Variants in KLHL2 observed in about 807,000 individuals in gnomAD.
The protein encoded by KLHL2 is kelch like family member 2.
Under a neutral mutation model 75.8 loss-of-function variants are expected in KLHL2, and 15 were observed. The observed-to-expected ratio is 0.20, with a 90% CI of 0.13 to 0.30. KLHL2 has a LOEUF of 0.30. KLHL2 is among the 10% of genes least tolerant of loss of function. The pLI is 1.00. For synonymous variants in KLHL2, 214 were observed against 251.9 expected (o/e 0.85, Z 1.42); for missense variants, 381 against 741.0 (o/e 0.51, Z 5.64).
chr4:165,224,821 C>T (rs933548020), intron 2 of KLHL2, among the ~76,000 whole-genome samples: 14 of 152,250 alleles, frequency 9.2e-5, no homozygotes, highest in Middle Eastern at 3.4e-3. Context: ...TATCCATGAC[C>T]TCAAGCATTT....
At chr4:165,211,533 G>C in intron 1 of KLHL2, among the ~76,000 whole-genome samples, 1 of 152,242 alleles carries the variant, frequency 6.6e-6, no homozygotes, top group South Asian at 2.1e-4. Context: ...GTATTCATTT[G>C]TTTGTCTGTT....
Position 165,305,725 on chromosome 4 carries a change from G to A in KLHL2, c.1039G>A (p.Gly347Ser). 1 of 1,602,766 alleles carries A rather than the reference G, an allele frequency of 6.2e-7. No homozygotes were observed. Among genetic ancestry groups the A allele is most frequent in the Non-Finnish European group, 8.5e-7 (1 of 1,169,688 alleles). Residue 347 changes from glycine to serine, a missense_variant and splice_region_variant, in exon 9 of 15, where the codon GGC becomes AGC. By Grantham distance (56) the Gly-to-Ser change is moderately conservative. Coordinates refer to ENST00000226725, the MANE Select transcript of KLHL2 (RefSeq NM_007246.4). The part of the protein sequence containing the change: ...AELPSRRCRA[G>S]MVYMAGLVFA... ...GTTGCCTTCCAGGAGGTGCAGGGCAGGTAAGCATGATGCATCATGGTCAAT... is the reference window on the plus strand; with the variant it reads ...GTTGCCTTCCAGGAGGTGCAGGGCAAGTAAGCATGATGCATCATGGTCAAT...
chr4:165,294,753 G>T (rs539245270), intron 6 of KLHL2, among the ~76,000 whole-genome samples: 50 of 152,322 alleles, frequency 3.3e-4, no homozygotes, highest in African/African-American at 1.2e-3. Context: ...TCCACAGCAA[G>T]AGCTTGCACA....
chr4:165,245,668 A>G (rs1740203722), intron 4 of KLHL2, among the ~76,000 whole-genome samples: 1 of 152,108 alleles, frequency 6.6e-6, no homozygotes. Flanking sequence ...AAACACTGAT[A>G]TGGTGCCCAA....
chr4:165,294,651 A>G (rs1744775045), intron 6 of KLHL2, among the ~76,000 whole-genome samples, 183 bp downstream of exon 6: 1 of 152,148 alleles, frequency 6.6e-6, no homozygotes, highest in Non-Finnish European at 1.5e-5. Context: ...AAAGAAACTC[A>G]GGACTTGTTG....
At chr4:165,295,094 G>A (rs1431212139) in intron 6 of KLHL2, among the ~76,000 whole-genome samples, 3 of 152,032 alleles carry the variant, frequency 2.0e-5, no homozygotes, top group Non-Finnish European at 4.4e-5. Flanking sequence ...GTCTCTCCAC[G>A]TTTTGAATTA....
At chr4:165,226,450 A>G (rs561856159) in intron 2 of KLHL2, among the ~76,000 whole-genome samples, 12 of 152,228 alleles carry the variant, frequency 7.9e-5, no homozygotes, top group African/African-American at 2.9e-4. Flanking sequence ...GCCCTTTCTG[A>G]TCCCCAGTCT....
At chr4:165,291,353 A>AT (rs982309230) in intron 5 of KLHL2, among the ~76,000 whole-genome samples, 8 of 150,866 alleles carry the variant, frequency 5.3e-5, no homozygotes, top group South Asian at 2.1e-4. Flanking sequence ...CAACTTAACC[A>AT]TTTTTTTTTC....
At position 165,207,712 on chromosome 4, in the gene KLHL2, C is replaced by T. The variant is rs1309927940; in HGVS notation, c.-165C>T. 2.8e-5 allele frequency: 8 copies of T among 289,724 alleles called. No individual in the cohort carries two copies. The highest frequency in any genetic ancestry group is 4.5e-5 in the Non-Finnish European group (8 of 176,744). 17.9% of individuals were successfully genotyped at this position (289,724 alleles called of 1,614,324 possible). ...CGCCCGGCCGAGCGGGCCATGGCCG[C>T]GGGGGCCGCCGCCGCAGGTGGTGGC... On this transcript the variant is annotated 5_prime_UTR_variant, in exon 1 of 15. Transcript: ENST00000226725. This position sits in a 1 kb window ranked among gnomAD's most constrained non-coding sequence, Gnocchi z 4.2.
intron 5 of KLHL2, among the ~76,000 whole-genome samples, chr4:165,283,906 C>A (rs1025167931): frequency 3.3e-5 from 5 of 152,240 alleles, no homozygotes; most frequent in Non-Finnish European, 7.3e-5. Context: ...TGTGTACTCA[C>A]AGGCTCAACA....
intron 8 of KLHL2, among the ~76,000 whole-genome samples, chr4:165,300,224 G>A (rs1023886469): frequency 2.0e-5 from 3 of 151,856 alleles, no homozygotes; most frequent in African/African-American, 7.2e-5. Context: ...GGAGGCGGAG[G>A]TTGCAGTGAG....
intron 5 of KLHL2, chr4:165,278,652 G>A: frequency 6.3e-7 from 1 of 1,595,774 alleles, no homozygotes; most frequent in South Asian, 1.1e-5. Flanking sequence ...TTGTCTCTTA[G>A]CCAGCGAATA....
At chr4:165,276,596 T>G (rs1387653621) in intron 5 of KLHL2, among the ~76,000 whole-genome samples, 2 of 152,106 alleles carry the variant, frequency 1.3e-5, no homozygotes, top group Non-Finnish European at 2.9e-5. Context: ...ATTAGGTGAC[T>G]TCTTATAATA....
At chr4:165,279,554 C>G (rs758121564) in intron 5 of KLHL2, 2 of 1,581,164 alleles carry the variant, frequency 1.3e-6, no homozygotes, top group South Asian at 1.1e-5. Context: ...TTCAGCTGTT[C>G]TTGAATTGAA....
intron 1 of KLHL2, among the ~76,000 whole-genome samples, chr4:165,211,413 T>TA (rs1200163566): frequency 2.0e-5 from 3 of 152,236 alleles, no homozygotes; most frequent in African/African-American, 7.2e-5. Flanking sequence ...CATAGATCAG[T>TA]AAAAAGTTCA....
intron 4 of KLHL2, among the ~76,000 whole-genome samples, chr4:165,262,843 T>G (rs746873176): frequency 6.6e-5 from 10 of 152,188 alleles, no homozygotes; most frequent in Non-Finnish European, 1.5e-4. Context: ...CCTCCCAAAG[T>G]GCCGGGATTA....
At chr4:165,239,089 C>CT (rs1162265278) in intron 4 of KLHL2, among the ~76,000 whole-genome samples, 190 bp downstream of exon 4, 1 of 152,024 alleles carries the variant, frequency 6.6e-6, no homozygotes, top group African/African-American at 2.4e-5. Context: ...TTTTATATTC[C>CT]TTAAGATCTG....
At chr4:165,313,894 C>A in intron 12 of KLHL2, 132 bp from the exon 13 acceptor site, 1 of 765,878 alleles carries the variant, frequency 1.3e-6, no homozygotes, top group Non-Finnish European at 2.1e-6. Flanking sequence ...AAATTGTAGG[C>A]TATAGTATCA....
intron 4 of KLHL2, among the ~76,000 whole-genome samples, chr4:165,247,787 A>T (rs1003656780): frequency 4.6e-5 from 7 of 152,220 alleles, no homozygotes; most frequent in Non-Finnish European, 8.8e-5. Flanking sequence ...ACTAAACATG[A>T]TAAATCATTG....
Sources: gnomAD v4.1 joint callset for allele counts (sites outside exome capture counted in the v4.1 genomes callset) on GRCh38, gnomAD v4.1.1 for gene constraint, Gnocchi (gnomAD v3.1) non-coding constraint, MANE v1.5 for transcripts, NCBI Gene and HGNC (gene_info 2026-07-23, HGNC 2026-07-21) for gene names.